SDK1: variants seen among roughly 807,000 people sequenced by gnomAD.
SDK1 encodes protein sidekick-1.
Under a neutral mutation model 245.5 loss-of-function variants are expected in SDK1, and 157 were observed. The observed-to-expected ratio is 0.64, with a 90% CI of 0.56 to 0.73. SDK1 has a LOEUF of 0.73. Ranked by LOEUF, SDK1 falls within the 30% of genes least tolerant of loss-of-function variation. The pLI, the probability that SDK1 is intolerant of heterozygous loss-of-function variation, is 0.00. For synonymous variants in SDK1, 1,647 were observed against 1,278.5 expected (o/e 1.29, Z -6.15); for missense variants, 3,583 against 3,002.3 (o/e 1.19, Z -4.52).
chr7:4,051,614 C>G lies in SDK1; in HGVS notation c.2719-24C>G, dbSNP rs1447947861. On this transcript the variant is annotated intron_variant, in intron 18 of 44. Coordinates refer to ENST00000404826, the MANE Select transcript of SDK1 (RefSeq NM_152744.4). Reference sequence around the variant, plus strand: ...AGAAATGCCATTGAAAACAGGCTGTCTTTTTCACCCTGTTCCATCTCAGCT... The same window carrying G: ...AGAAATGCCATTGAAAACAGGCTGTGTTTTTCACCCTGTTCCATCTCAGCT... 5.6e-6 allele frequency: 9 copies of G among 1,593,968 alleles called. No homozygotes were observed. In the African/African-American group the frequency reaches 6.8e-5, roughly 12 times the overall value.
At chr7:4,170,841 G>C (rs1781796608) in intron 32 of SDK1, among the ~76,000 whole-genome samples, 1 of 152,158 alleles carries the variant, frequency 6.6e-6, no homozygotes, top group Non-Finnish European at 1.5e-5. Context: ...GGGAGCTGGA[G>C]AAAGAGCAAA....
chr7:3,743,585 C>A (rs1779536019), intron 4 of SDK1, among the ~76,000 whole-genome samples: 2 of 152,140 alleles, frequency 1.3e-5, no homozygotes, highest in Non-Finnish European at 2.9e-5. Flanking sequence ...ATACAGAATA[C>A]CCTAGTACCA....
intron 40 of SDK1, among the ~76,000 whole-genome samples, chr7:4,222,675 A>G (rs1375027): frequency 0.59 from 89,095 of 152,068 alleles, 26,903 homozygotes; most frequent in African/African-American, 0.69. Context: ...CTTTGGCTCA[A>G]TAACTCAGAA....
chr7:3,859,405 T>A (rs1233580463), intron 5 of SDK1, among the ~76,000 whole-genome samples: 1 of 152,112 alleles, frequency 6.6e-6, no homozygotes, highest in African/African-American at 2.4e-5. Flanking sequence ...TGAACTTCAG[T>A]AACAGAAAAC....
chr7:3,768,712 G>A lies in SDK1; in HGVS notation c.714-52738G>A, dbSNP rs148514180. Among the ~76,000 whole-genome samples, 7 of 152,250 alleles carry A rather than the reference G, an allele frequency of 4.6e-5. No homozygotes were observed. In the East Asian group the frequency reaches 1.2e-3, roughly 25 times the overall value. Reference sequence around the variant, plus strand: ...GTTTGGCACAGAGCTGTAGGTACACGTTTATGCTCAACACTGAGAAATTGA... The same window carrying A: ...GTTTGGCACAGAGCTGTAGGTACACATTTATGCTCAACACTGAGAAATTGA... On this transcript the variant is annotated intron_variant, in intron 4 of 44. Coordinates refer to ENST00000404826, the MANE Select transcript of SDK1 (RefSeq NM_152744.4).
intron 1 of SDK1, among the ~76,000 whole-genome samples, chr7:3,404,463 G>A (rs933676697): frequency 1.3e-5 from 2 of 152,168 alleles, no homozygotes; most frequent in African/African-American, 2.4e-5. Flanking sequence ...CAGAGAATCT[G>A]CAGTATTATT....
At chr7:3,545,641 T>G (rs1369965801) in intron 1 of SDK1, among the ~76,000 whole-genome samples, 1 of 152,234 alleles carries the variant, frequency 6.6e-6, no homozygotes, top group Non-Finnish European at 1.5e-5. Flanking sequence ...GGCAACCCTC[T>G]GCTATGGTGC....
chr7:4,052,789 G>A (rs1778952978), intron 19 of SDK1, among the ~76,000 whole-genome samples: 1 of 152,060 alleles, frequency 6.6e-6, no homozygotes, highest in South Asian at 2.1e-4. Context: ...TGTAATGAAA[G>A]TTAAAACTAG....
At chr7:3,679,429 C>T (rs1202366300) in intron 4 of SDK1, among the ~76,000 whole-genome samples, 6 of 152,168 alleles carry the variant, frequency 3.9e-5, no homozygotes, top group Non-Finnish European at 8.8e-5. Flanking sequence ...TAGCCGGGCG[C>T]GGTGGCGGGC....
At chr7:3,955,304 C>T (rs146166970) in intron 7 of SDK1, among the ~76,000 whole-genome samples, 123 of 152,338 alleles carry the variant, frequency 8.1e-4, no homozygotes, top group African/African-American at 2.5e-3. Context: ...ATCTCCAGAG[C>T]CAGCAGCTGC....
At chr7:3,584,329 C>T (rs1780612437) in intron 1 of SDK1, among the ~76,000 whole-genome samples, 1 of 152,164 alleles carries the variant, frequency 6.6e-6, no homozygotes, top group African/African-American at 2.4e-5. Flanking sequence ...TCCTCCTTGC[C>T]TGGCGTTCCC....
chr7:3,531,237 G>A (rs887345331), intron 1 of SDK1, among the ~76,000 whole-genome samples: 2 of 152,054 alleles, frequency 1.3e-5, no homozygotes, highest in Non-Finnish European at 2.9e-5. Flanking sequence ...TGATCACATC[G>A]AGCATATTTG....
Position 3,639,029 on chromosome 7 carries a change from C to G in SDK1, c.484C>G (p.Leu162Val), listed in dbSNP as rs1394327800. 6.2e-7 allele frequency: 1 copy of G among 1,603,734 alleles called. No homozygotes were observed. The highest frequency in any genetic ancestry group is 1.3e-5 in the African/African-American group (1 of 74,812). ...YKYIIPSLQK[L>V]DAGFYRCVVR... is the part of the protein sequence containing the mutation. ...GTACATTATTCCATCTTTGCAGAAG[C>G]TCGATGCTGGGTTTTACCGCTGCGT... Residue 162 changes from leucine to valine, a missense_variant, in exon 3 of 45, where the codon CTC becomes GTC. Coordinates refer to ENST00000404826, the MANE Select transcript of SDK1 (RefSeq NM_152744.4).
At position 3,740,735 on chromosome 7, in the gene SDK1, C is replaced by T. The variant is rs377100746; in HGVS notation, c.714-80715C>T. ...TAGTTTGCTTATTCTTAACAAGATT[C>T]GTCTGTTTTTCTTGAATAAACAGTA... On this transcript the variant is annotated intron_variant, in intron 4 of 44. Transcript: ENST00000404826. Among the ~76,000 whole-genome samples, 14 of 152,238 alleles carry T rather than the reference C, an allele frequency of 9.2e-5. 1 individual carries two copies. Among genetic ancestry groups the T allele is most frequent in the Admixed American group, 2.0e-4 (3 of 15,302 alleles).
intron 4 of SDK1, among the ~76,000 whole-genome samples, chr7:3,739,650 T>C (rs1779420525): frequency 6.6e-6 from 1 of 152,218 alleles, no homozygotes; most frequent in Admixed American, 6.5e-5. Flanking sequence ...TTAATATTGT[T>C]TGTTGAGACG....
At chr7:4,118,697 A>G (rs922759064) in intron 25 of SDK1, among the ~76,000 whole-genome samples, 1 of 126,488 alleles carries the variant, frequency 7.9e-6, no homozygotes, top group Non-Finnish European at 1.8e-5. Flanking sequence ...CAGTTGACAA[A>G]TGGATAAATA....
At chr7:3,748,189 C>A (rs966526063) in intron 4 of SDK1, among the ~76,000 whole-genome samples, 1 of 151,978 alleles carries the variant, frequency 6.6e-6, no homozygotes, top group Non-Finnish European at 1.5e-5. Flanking sequence ...TTGGTTTAAT[C>A]CTAATTTTGA....
chr7:4,194,405 TGC>T (rs879405794), intron 35 of SDK1, among the ~76,000 whole-genome samples: 3,412 of 118,400 alleles, frequency 0.029, 166 homozygotes, highest in Middle Eastern at 0.065. Context: ...CATATATGTA[TGC>T]ACATATGTGT....
intron 1 of SDK1, among the ~76,000 whole-genome samples, chr7:3,315,864 T>C (rs979413701): frequency 2.0e-5 from 3 of 152,170 alleles, no homozygotes; most frequent in Non-Finnish European, 2.9e-5. Flanking sequence ...ACTTGAATTA[T>C]TGTTTTGGGC....
Sources: allele counts gnomAD v4.1 joint callset (sites outside exome capture counted in the v4.1 genomes callset), GRCh38; gene constraint gnomAD v4.1.1; transcripts MANE v1.5; gene names NCBI Gene and HGNC (gene_info 2026-07-23, HGNC 2026-07-21).